MSN: variants seen among roughly 807,000 people sequenced by gnomAD.
The protein encoded by MSN is moesin, also known as epididymis luminal protein 70.
In MSN, 2 loss-of-function variants were observed where a neutral mutation model predicts 48.0. The ratio of observed to expected loss-of-function variants is 0.04; its 90% CI spans 0.02 to 0.13. MSN has a LOEUF of 0.13. Among genes scored for constraint, MSN ranks in the 10% least tolerant of loss-of-function variants. MSN has a pLI of 1.00. For synonymous variants in MSN, 146 were observed against 166.9 expected (o/e 0.87, Z 0.97); for missense variants, 267 against 470.1 (o/e 0.57, Z 3.99).
chrX:65,684,626 T>TG (rs1296461107), intron 1 of MSN, among the ~76,000 whole-genome samples: 2 of 110,784 alleles, frequency 1.8e-5, no homozygotes, highest in African/African-American at 6.6e-5. Flanking sequence ...TTAGTAGAGA[T>TG]GGGGTTTCAT....
At chrX:65,673,158 T>C (rs2070959818) in intron 1 of MSN, among the ~76,000 whole-genome samples, 1 of 111,560 alleles carries the variant, frequency 9.0e-6, no homozygotes, top group Non-Finnish European at 1.9e-5. Context: ...AGTGAGAGTA[T>C]ATTATGAAGA....
intron 1 of MSN, among the ~76,000 whole-genome samples, chrX:65,655,550 T>C (rs747474737): frequency 3.3e-4 from 37 of 112,291 alleles, no homozygotes; most frequent in African/African-American, 1.2e-3. Flanking sequence ...ACCTCAGTAC[T>C]TTTTGAATGA....
chrX:65,710,356 CT>C (rs1239035625), intron 1 of MSN, among the ~76,000 whole-genome samples: 1 of 111,578 alleles, frequency 9.0e-6, no homozygotes, highest in African/African-American at 3.3e-5. Context: ...ACCATAGTTC[CT>C]TAAACATTGT....
intron 7 of MSN, 22 bp from the exon 8 acceptor site, chrX:65,735,245 C>G (rs2071663296): frequency 8.3e-7 from 1 of 1,202,920 alleles, no homozygotes; most frequent in Admixed American, 2.2e-5. Context: ...CAAATTCTTT[C>G]TGATTGCTGA....
intron 1 of MSN, among the ~76,000 whole-genome samples, chrX:65,614,312 C>T (rs972522887): frequency 8.9e-6 from 1 of 111,865 alleles, no homozygotes; most frequent in Non-Finnish European, 1.9e-5. Flanking sequence ...TGTGATGCCT[C>T]CAGCTTTGTT....
chrX:65,671,069 G>A (rs1172501037), intron 1 of MSN, among the ~76,000 whole-genome samples: 1 of 104,408 alleles, frequency 9.6e-6, no homozygotes, highest in African/African-American at 3.5e-5. Flanking sequence ...TTTTCGAGAT[G>A]TTCTTGAGTT....
At chrX:65,621,204 C>T (rs765644741) in intron 1 of MSN, among the ~76,000 whole-genome samples, 23 of 111,704 alleles carry the variant, frequency 2.1e-4, no homozygotes, top group African/African-American at 4.9e-4. Flanking sequence ...CATGAGCCTC[C>T]GTGCCCTGCC....
intron 1 of MSN, among the ~76,000 whole-genome samples, chrX:65,612,557 T>G (rs971589124): frequency 1.3e-5 from 1 of 75,604 alleles, no homozygotes; most frequent in African/African-American, 3.3e-4. Flanking sequence ...CGTAATGGTT[T>G]TTTTTTTTTG....
intron 1 of MSN, among the ~76,000 whole-genome samples, chrX:65,676,641 G>A (rs1237226209): frequency 7.2e-5 from 8 of 111,251 alleles, no homozygotes; most frequent in Non-Finnish European, 1.3e-4. Flanking sequence ...CTAGGAGGGG[G>A]AACAAGGCAT....
At chrX:65,694,988 C>G (rs774859903) in intron 1 of MSN, among the ~76,000 whole-genome samples, 2 of 112,177 alleles carry the variant, frequency 1.8e-5, no homozygotes, top group South Asian at 3.7e-4. Flanking sequence ...ATCTCCACCC[C>G]TTTGCAGAAG....
intron 1 of MSN, among the ~76,000 whole-genome samples, chrX:65,683,434 C>T (rs1404221256): frequency 2.8e-5 from 3 of 105,706 alleles, no homozygotes; most frequent in Non-Finnish European, 5.9e-5. Context: ...CCACCACCAC[C>T]ACCACCACCC....
At chrX:65,728,815 A>G (rs1403590216) in intron 3 of MSN, among the ~76,000 whole-genome samples, 1 of 111,462 alleles carries the variant, frequency 9.0e-6, no homozygotes, top group Non-Finnish European at 1.9e-5. Context: ...GGAACCTGGC[A>G]GCCTTCCATC....
intron 1 of MSN, among the ~76,000 whole-genome samples, chrX:65,637,902 T>C (rs1471209402): frequency 9.0e-6 from 1 of 111,392 alleles, no homozygotes; most frequent in Admixed American, 9.6e-5. Context: ...CACCTCCTTC[T>C]CTGCTTTATT....
intron 6 of MSN, 49 bp downstream of exon 6, chrX:65,732,033 G>A: frequency 8.7e-7 from 1 of 1,154,359 alleles, no homozygotes; most frequent in African/African-American, 1.8e-5. Context: ...TAACATCTAG[G>A]GCTCACTTTT....
intron 1 of MSN, among the ~76,000 whole-genome samples, chrX:65,708,868 A>C (rs1450100279): frequency 9.1e-6 from 1 of 110,370 alleles, no homozygotes; most frequent in Non-Finnish European, 1.9e-5. Flanking sequence ...GTTTTAGTAG[A>C]GACGGGGTTT....
At chrX:65,641,550 G>GTGTATATATATA (rs2070651211) in intron 1 of MSN, among the ~76,000 whole-genome samples, 1 of 15,384 alleles carries the variant, frequency 6.5e-5, no homozygotes, top group Non-Finnish European at 1.0e-4. Context: ...AAAAAGTGAA[G>GTGTATATATATA]TATATATATA....
At position 65,650,303 on chromosome X, in the gene MSN, G is replaced by A. The variant is rs760370715; in HGVS notation, c.-22+61691G>A. ...GGGTTTTGCCATGTTGGCCAGGCTGGTCTCGAACACTTGGCTTCAAGTGAT... is the reference window on the plus strand; with the variant it reads ...GGGTTTTGCCATGTTGGCCAGGCTGATCTCGAACACTTGGCTTCAAGTGAT... On this transcript the variant is annotated intron_variant, in intron 1 of 3. Transcript: ENST00000609672. Among the ~76,000 whole-genome samples, 3 of 111,529 alleles carry A rather than the reference G, an allele frequency of 2.7e-5. No homozygotes were observed. In the South Asian group the frequency reaches 1.1e-3, roughly 41 times the overall value.
At position 65,737,206 on chromosome X, in the gene MSN, G is replaced by A; in HGVS notation, c.1119G>A (p.Leu373=). ...QELEEQTRRA[L]ELEQERKRAQ... is the part of the protein sequence containing the mutation. Reference sequence around the variant, plus strand: ...TGGAAGAACAGACCCGTAGGGCTCTGGAACTTGAGCAGGAACGGAAGCGTG... The same window carrying A: ...TGGAAGAACAGACCCGTAGGGCTCTAGAACTTGAGCAGGAACGGAAGCGTG... The change falls in exon 10 of 13, where the codon CTG becomes CTA. Residue 373 remains leucine, a synonymous_variant. Transcript: ENST00000360270. The A allele has an allele frequency of 1.7e-6, 2 of 1,207,401 alleles. No individual in the cohort carries two copies. The highest frequency in any genetic ancestry group is 2.2e-5 in the Admixed American group (1 of 45,573).
chrX:65,709,633 A>C (rs1177588141), intron 1 of MSN, among the ~76,000 whole-genome samples: 1 of 112,645 alleles, frequency 8.9e-6, no homozygotes, highest in Non-Finnish European at 1.9e-5. Flanking sequence ...TTATTTAATA[A>C]ATATTTGTTT....
Sources: allele counts gnomAD v4.1 joint callset (sites outside exome capture counted in the v4.1 genomes callset), GRCh38; gene constraint gnomAD v4.1.1; transcripts MANE v1.5; gene names NCBI Gene and HGNC (gene_info 2026-07-23, HGNC 2026-07-21).